The following SLC16A1 variants were observed in gnomAD, a reference collection of about 807,000 sequenced individuals.
SLC16A1 encodes monocarboxylate transporter 1.
Under a neutral mutation model 32.2 loss-of-function variants are expected in SLC16A1, and 11 were observed. The ratio of observed to expected loss-of-function variants is 0.34; its 90% CI spans 0.21 to 0.56. The LOEUF (loss-of-function observed/expected upper bound fraction) is 0.56. Among genes scored for constraint, SLC16A1 ranks in the 20% least tolerant of loss-of-function variants. The pLI, the probability that SLC16A1 is intolerant of heterozygous loss-of-function variation, is 0.87. For missense variants in SLC16A1, 435 were observed against 615.0 expected (o/e 0.71, Z 3.10); for synonymous variants, 231 against 226.8 (o/e 1.02, Z -0.17).
intron 4 of SLC16A1, among the ~76,000 whole-genome samples, chr1:112,914,825 A>T (rs1648446152): frequency 6.6e-6 from 1 of 152,224 alleles, no homozygotes; most frequent in Admixed American, 6.5e-5. Context: ...ATACTGCTTT[A>T]ATGTTTCAAA....
chr1:112,933,774 C>G (rs1649215856), intron 1 of SLC16A1, among the ~76,000 whole-genome samples: 1 of 152,178 alleles, frequency 6.6e-6, no homozygotes, highest in South Asian at 2.1e-4. Context: ...CAATGGAACT[C>G]TCATATTGCT....
At chr1:112,923,665 G>A (rs1018631519) in intron 2 of SLC16A1, 56 of 1,506,410 alleles carry the variant, frequency 3.7e-5, no homozygotes, top group Middle Eastern at 4.0e-4. Context: ...CAGTGTCCCC[G>A]AGTGGACCTC....
rs1051236692 is a variant in SLC16A1, at chr1:112,913,190, C to A, written c.*701G>T. The A allele has an allele frequency of 1.3e-5, 2 of 152,306 alleles. No homozygotes were observed. The highest frequency in any genetic ancestry group is 2.1e-4 in the South Asian group (1 of 4,824). The allele number at this position is 152,306 out of a possible 1,614,324, so 9.4% of individuals were successfully genotyped here. ...AAATAGCTAATTTAATGAAAACAAA[C>A]CTTAAGCACTTTACTTGGCTTCTAA... On this transcript the variant is annotated 3_prime_UTR_variant, in exon 5 of 5. Coordinates refer to ENST00000369626, the MANE Select transcript of SLC16A1 (RefSeq NM_003051.4).
At chr1:112,915,718 A>T (rs1648480080) in intron 4 of SLC16A1, among the ~76,000 whole-genome samples, 1 of 152,066 alleles carries the variant, frequency 6.6e-6, no homozygotes, top group South Asian at 2.1e-4. Context: ...GCAGATGAGA[A>T]CAAGATTTAG....
At chr1:112,941,194 T>C (rs1341390847) in intron 1 of SLC16A1, among the ~76,000 whole-genome samples, 1 of 151,934 alleles carries the variant, frequency 6.6e-6, no homozygotes, top group Non-Finnish European at 1.5e-5. Context: ...AAAATAAAAG[T>C]TGAATAAATA....
At chr1:112,944,613 TTA>T (rs1649628770) in intron 1 of SLC16A1, among the ~76,000 whole-genome samples, 1 of 152,276 alleles carries the variant, frequency 6.6e-6, no homozygotes, top group South Asian at 2.1e-4. Context: ...TGACTTCCTT[TTA>T]TGATAGTCAT....
chr1:112,920,605 C>CA (rs869266836), intron 3 of SLC16A1, among the ~76,000 whole-genome samples: 1 of 149,550 alleles, frequency 6.7e-6, no homozygotes, highest in Admixed American at 6.6e-5. Flanking sequence ...AACTGTGTCT[C>CA]AAAAAAACAA....
At chr1:112,941,404 C>A (rs866680324) in intron 1 of SLC16A1, among the ~76,000 whole-genome samples, 13 of 151,968 alleles carry the variant, frequency 8.6e-5, no homozygotes, top group African/African-American at 2.7e-4. Context: ...GCCTCAGCCT[C>A]CCAAGTAGCT....
At position 112,950,354 on chromosome 1, in the gene SLC16A1, G is replaced by A. The variant is rs186518653; in HGVS notation, c.-45+5681C>T. Among the ~76,000 whole-genome samples the A allele has an allele frequency of 2.3e-3, 351 of 152,296 alleles. 1 individual carries two copies. Among genetic ancestry groups the A allele is most frequent in the Non-Finnish European group, 4.1e-3 (280 of 68,030 alleles). On this transcript the variant is annotated intron_variant, in intron 1 of 4. Transcript: ENST00000369626. Reference sequence around the variant, plus strand: ...CAAAATAGTCTAACACACCACAGCAGTGTATAGACTTTCATTCATTCAATA... The same window carrying A: ...CAAAATAGTCTAACACACCACAGCAATGTATAGACTTTCATTCATTCAATA...
intron 1 of SLC16A1, among the ~76,000 whole-genome samples, chr1:112,930,848 A>T (rs1390915184): frequency 6.6e-6 from 1 of 151,548 alleles, no homozygotes; most frequent in Non-Finnish European, 1.5e-5. Flanking sequence ...CCTCCCGAGT[A>T]GCTGGGACTA....
intron 1 of SLC16A1, among the ~76,000 whole-genome samples, chr1:112,943,728 T>C (rs564175092): frequency 1.0e-4 from 14 of 136,318 alleles, no homozygotes; most frequent in Middle Eastern, 9.3e-3. Context: ...GCGGAGGTTG[T>C]GGTGAGCCGA....
rs1276174851 is a variant in SLC16A1, at chr1:112,929,300, T to C, written c.9A>G (p.Pro3=). MP[P]AVGGPVGYTP... ...TGTATCCAACTGGACCTCCAACTGCTGGTGGCATTTTAAGTGTAGATAAAT... is the reference window on the plus strand; with the variant it reads ...TGTATCCAACTGGACCTCCAACTGCCGGTGGCATTTTAAGTGTAGATAAAT... The change falls in exon 2 of 5, where the codon CCA becomes CCG. Residue 3 remains proline, a synonymous_variant. Transcript: ENST00000369626. 1 of 1,613,764 alleles carries C rather than the reference T, an allele frequency of 6.2e-7. No homozygotes were observed. Among genetic ancestry groups the C allele is most frequent in the Non-Finnish European group, 8.5e-7 (1 of 1,180,008 alleles).
At chr1:112,954,324 C>T (rs1280942729) in intron 1 of SLC16A1, among the ~76,000 whole-genome samples, 1 of 152,098 alleles carries the variant, frequency 6.6e-6, no homozygotes, top group Non-Finnish European at 1.5e-5. Context: ...ATCAGGAGTG[C>T]CAATCTAACA....
chr1:112,914,144 C>T lies in SLC16A1; in HGVS notation c.1250G>A (p.Gly417Glu), dbSNP rs746931470. Residue 417 changes from glycine (G) to glutamate (E), a missense_variant, in exon 5 of 5, where the codon GGA becomes GAA. Transcript: ENST00000369626. Reference sequence around the variant, plus strand: ...TGCCCAGTATGTGTATTTGTAGTCTCCATACATGTCATTGAGCCGACCTAA... The same window carrying T: ...TGCCCAGTATGTGTATTTGTAGTCTTCATACATGTCATTGAGCCGACCTAA... Reference protein sequence around the residue: ...PLLGRLNDMYGDYKYTYWACG... With the variant: ...PLLGRLNDMYEDYKYTYWACG... 4 of 1,614,130 alleles carry T rather than the reference C, an allele frequency of 2.5e-6. No individual in the cohort carries two copies. The Admixed American group carries it at 6.7e-5, about 27-fold the overall frequency.
intron 4 of SLC16A1, among the ~76,000 whole-genome samples, chr1:112,916,385 CT>C (rs1437809190): frequency 6.7e-6 from 1 of 149,688 alleles, no homozygotes; most frequent in Non-Finnish European, 1.5e-5. Flanking sequence ...GTAATCACAG[CT>C]ACTTGGGAGG....
chr1:112,945,673 T>TC (rs1285943329), intron 1 of SLC16A1, among the ~76,000 whole-genome samples: 1 of 117,736 alleles, frequency 8.5e-6, no homozygotes, highest in Non-Finnish European at 1.7e-5. Context: ...AGACTCGGCC[T>TC]CAAAAAAAAA....
intron 4 of SLC16A1, among the ~76,000 whole-genome samples, chr1:112,914,464 C>T (rs911551757): frequency 6.6e-6 from 1 of 152,198 alleles, no homozygotes; most frequent in African/African-American, 2.4e-5. Context: ...TCTTAATACA[C>T]TATAGAAATA....
At chr1:112,935,794 G>GTCT (rs1313848031) in intron 1 of SLC16A1, 3 of 152,310 alleles carry the variant, frequency 2.0e-5, no homozygotes, top group Admixed American at 2.0e-4. Context: ...TGACAAAACA[G>GTCT]TCTTCCTGAC....
At chr1:112,940,039 ATTTTTT>A (rs55864843) in intron 1 of SLC16A1, among the ~76,000 whole-genome samples, 1 of 108,616 alleles carries the variant, frequency 9.2e-6, no homozygotes, top group Non-Finnish European at 1.9e-5. Flanking sequence ...CTGATGGGTG[ATTTTTT>A]TTTTTTTTTT....
Sources: gnomAD v4.1 joint callset for allele counts (sites outside exome capture counted in the v4.1 genomes callset) on GRCh38, gnomAD v4.1.1 for gene constraint, MANE v1.5 for transcripts, NCBI Gene and HGNC (gene_info 2026-07-23, HGNC 2026-07-21) for gene names.